The following PCDH11X variants were observed in gnomAD, a reference collection of about 807,000 sequenced individuals.
The protein encoded by PCDH11X is protocadherin-11 X-linked.
PCDH11X carries 18 observed loss-of-function variants against 53.3 expected under a neutral mutation model. The ratio of observed to expected loss-of-function variants is 0.34; its 90% confidence interval spans 0.23 to 0.50. The LOEUF is 0.50. Among genes scored for constraint, PCDH11X ranks in the 20% least tolerant of loss-of-function variants. The pLI is 0.98. For missense variants in PCDH11X, 570 were observed against 1,032.4 expected (o/e 0.55, Z 6.14); for synonymous variants, 279 against 393.3 (o/e 0.71, Z 3.44).
At chrX:91,971,223 C>A (rs1470880886) in intron 6 of PCDH11X, among the ~76,000 whole-genome samples, 1 of 109,252 alleles carries the variant, frequency 9.2e-6, no homozygotes, top group Non-Finnish European at 1.9e-5. Flanking sequence ...TTATGTGCAC[C>A]TGGGGTCCTG....
intron 10 of PCDH11X, among the ~76,000 whole-genome samples, chrX:92,492,183 T>C (rs2073778122): frequency 8.9e-6 from 1 of 112,253 alleles, no homozygotes; most frequent in Admixed American, 9.5e-5. Context: ...TTTTTACATT[T>C]TCTGTATTTA....
At chrX:91,833,803 G>T (rs1937197772) in intron 4 of PCDH11X, among the ~76,000 whole-genome samples, 1 of 111,562 alleles carries the variant, frequency 9.0e-6, no homozygotes, top group Non-Finnish European at 1.9e-5. Context: ...GCTATGCAAT[G>T]GGACAGTTAT....
intron 10 of PCDH11X, among the ~76,000 whole-genome samples, chrX:92,606,115 C>T (rs1227612249): frequency 1.9e-5 from 2 of 104,374 alleles, no homozygotes; most frequent in African/African-American, 7.0e-5. Flanking sequence ...CCTGTAATGC[C>T]AGCTGCTTGG....
intron 6 of PCDH11X, among the ~76,000 whole-genome samples, chrX:91,987,836 C>CA (rs1041294229): frequency 3.9e-5 from 4 of 103,174 alleles, no homozygotes; most frequent in Middle Eastern, 5.3e-3. Context: ...AATGGTCTTT[C>CA]AAAAAAAAAT....
chrX:92,147,943 C>T (rs1268265687), intron 6 of PCDH11X, among the ~76,000 whole-genome samples: 3 of 92,448 alleles, frequency 3.2e-5, no homozygotes, highest in Non-Finnish European at 4.2e-5. Flanking sequence ...TTCTCTCTTC[C>T]TTCCTTCCTT....
At chrX:91,905,125 ATTATTATTG>A (rs1316154808) in intron 6 of PCDH11X, among the ~76,000 whole-genome samples, 19 of 103,759 alleles carry the variant, frequency 1.8e-4, no homozygotes, top group African/African-American at 6.2e-4. Context: ...TATTATTATT[ATTATTATTG>A]TTATTATTAT....
chrX:92,434,291 C>T (rs2072319071), intron 9 of PCDH11X, among the ~76,000 whole-genome samples: 1 of 108,657 alleles, frequency 9.2e-6, no homozygotes, highest in African/African-American at 3.4e-5. Flanking sequence ...AACTACCTTT[C>T]ATAACTATCA....
chrX:92,110,544 G>A (rs776149968), intron 6 of PCDH11X, among the ~76,000 whole-genome samples: 2 of 100,254 alleles, frequency 2.0e-5, no homozygotes, highest in Admixed American at 1.0e-4. Flanking sequence ...CATAAACAAG[G>A]GGGGGGCAGA....
At chrX:92,360,846 C>T (rs1232016680) in intron 8 of PCDH11X, among the ~76,000 whole-genome samples, 3 of 108,531 alleles carry the variant, frequency 2.8e-5, no homozygotes, top group Non-Finnish European at 5.8e-5. Context: ...CTGTTTGGCT[C>T]CCAGATTTCC....
intron 8 of PCDH11X, among the ~76,000 whole-genome samples, chrX:92,268,387 G>A (rs182395699): frequency 9.1e-6 from 1 of 110,376 alleles, no homozygotes; most frequent in East Asian, 2.9e-4. Flanking sequence ...TGCCTCCCAG[G>A]TTTAAGCAAT....
At chrX:92,526,789 A>G (rs2074460875) in intron 10 of PCDH11X, among the ~76,000 whole-genome samples, 1 of 101,818 alleles carries the variant, frequency 9.8e-6, no homozygotes, top group African/African-American at 3.6e-5. Flanking sequence ...GATATATACC[A>G]AAAAGAAAGG....
chrX:92,460,202 A>G, intron 9 of PCDH11X: 1 of 925,618 alleles, frequency 1.1e-6, no homozygotes, highest in East Asian at 3.1e-5. Context: ...TCTGTGGAGA[A>G]CGACATCCAT....
In PCDH11X at chrX:92,143,125, A is replaced by G. The variant is rs1159180262; in HGVS notation, c.3034-58250A>G. On this transcript the variant is annotated intron_variant, in intron 6 of 10. Transcript: ENST00000682573. ...GACCTCTATCTGTTTAAAAAAAGAA[A>G]AAAAGTAGCTAGATGTGGTGGCACA... Among the ~76,000 whole-genome samples the G allele has an allele frequency of 3.6e-5, 4 of 111,461 alleles. No homozygotes were observed. The East Asian group carries it at 1.1e-3, about 32-fold the overall frequency.
intron 6 of PCDH11X, among the ~76,000 whole-genome samples, chrX:92,147,824 TTTC>T (rs1287067289): frequency 1.1e-5 from 1 of 91,210 alleles, no homozygotes; most frequent in African/African-American, 4.7e-5. Context: ...TCTTTCTTTC[TTTC>T]TTTCTTTCTT....
intron 7 of PCDH11X, among the ~76,000 whole-genome samples, chrX:92,248,731 G>A (rs765376562): frequency 1.3e-4 from 14 of 111,102 alleles, no homozygotes; most frequent in African/African-American, 3.6e-4. Context: ...TCACTCTGTC[G>A]CCCAGGCTGG....
intron 9 of PCDH11X, among the ~76,000 whole-genome samples, chrX:92,434,428 T>G (rs2072323222): frequency 1.8e-5 from 2 of 110,105 alleles, no homozygotes; most frequent in Non-Finnish European, 3.8e-5. Context: ...GTTAAATATG[T>G]TTACTCATAA....
chrX:92,483,718 G>T (rs1485532719), intron 10 of PCDH11X, among the ~76,000 whole-genome samples: 10 of 100,430 alleles, frequency 1.0e-4, no homozygotes, highest in Non-Finnish European at 2.0e-4. Flanking sequence ...ATTACATATC[G>T]ATGTGTTATA....
At chrX:91,927,333 A>G (rs5942099) in intron 6 of PCDH11X, among the ~76,000 whole-genome samples, 41,546 of 107,896 alleles carry the variant, frequency 0.39, 6,335 homozygotes, top group East Asian at 0.61. Context: ...AGTGCTTTAC[A>G]TGGGTTAACT....
intron 6 of PCDH11X, among the ~76,000 whole-genome samples, chrX:92,039,889 C>T (rs2063184702): frequency 9.6e-6 from 1 of 104,500 alleles, no homozygotes; most frequent in South Asian, 4.4e-4. Context: ...CTGGTTATCA[C>T]TGATGGTTAC....
Sources: allele counts gnomAD v4.1 joint callset (sites outside exome capture counted in the v4.1 genomes callset), GRCh38; gene constraint gnomAD v4.1.1; transcripts MANE v1.5; gene names NCBI Gene and HGNC (gene_info 2026-07-23, HGNC 2026-07-21).